VCAN: variants seen among roughly 807,000 people sequenced by gnomAD.
VCAN encodes the protein versican, also known as versican core protein.
VCAN carries 44 observed loss-of-function variants against 245.5 expected under a neutral mutation model. The observed-to-expected ratio is 0.18, with a 90% confidence interval of 0.14 to 0.23. The LOEUF (loss-of-function observed/expected upper bound fraction) is 0.23, where lower values mean the gene tolerates loss of function less well. Ranked by LOEUF, VCAN falls within the 10% of genes least tolerant of loss-of-function variation. The probability of loss-of-function intolerance (pLI) is 1.00; values close to 1 mark genes in which losing one functional copy is unlikely to be tolerated. For missense variants in VCAN, 3,793 were observed against 4,057.9 expected (o/e 0.93, Z 1.77); for synonymous variants, 1,413 against 1,437.0 (o/e 0.98, Z 0.38).
Position 83,521,545 on chromosome 5 carries a change from T to C in VCAN, c.3239T>C (p.Leu1080Ser). Reference sequence around the variant, plus strand: ...GCATATACAGTCTCTGAAGATGAATTGTTGACAGGTTCTGAGAGGGTCCCA... The same window carrying C: ...GCATATACAGTCTCTGAAGATGAATCGTTGACAGGTTCTGAGAGGGTCCCA... ...GSAYTVSEDE[L>S]LTGSERVPVL... Residue 1080 changes from leucine to serine, a missense_variant, in exon 7 of 15, where the codon TTG becomes TCG. Transcript: ENST00000265077. 1 of 1,614,020 alleles carries C rather than the reference T, an allele frequency of 6.2e-7. No individual in the cohort carries two copies. Among genetic ancestry groups the C allele is most frequent in the Non-Finnish European group, 8.5e-7 (1 of 1,180,012 alleles).
At chr5:83,571,820 G>A (rs1748301684) in intron 12 of VCAN, among the ~76,000 whole-genome samples, 1 of 152,152 alleles carries the variant, frequency 6.6e-6, no homozygotes, top group Non-Finnish European at 1.5e-5. Context: ...TTGAAAGGTT[G>A]TATATAAAAT....
chr5:83,538,573 A>C lies in VCAN; in HGVS notation c.5570A>C (p.Glu1857Ala). 1 of 1,614,030 alleles carries C rather than the reference A, an allele frequency of 6.2e-7. No homozygotes were observed. The highest frequency in any genetic ancestry group is 8.5e-7 in the Non-Finnish European group (1 of 1,179,946). Residue 1857 changes from glutamate (E) to alanine (A), a missense_variant, in exon 8 of 15, where the codon GAG (glutamate) becomes GCG (alanine). Glu to Ala is a moderately radical substitution (Grantham distance 107). Around this residue, in one of 5 missense-constraint regions of VCAN, gnomAD observed 3,182 missense variants for 3,250.3 expected, o/e 0.98. Transcript: ENST00000265077. ...GTTTCTTCATTTTCATTAAACGTAG[A>C]GTATGCAATTCAAGCCGAAAAGGAA... is the stretch of plus-strand genomic sequence containing the variant. ...TTVSSFSLNV[E>A]YAIQAEKEVA... is the part of the protein sequence containing the mutation.
chr5:83,551,131 G>C (rs1037663419), intron 10 of VCAN, among the ~76,000 whole-genome samples: 1 of 150,200 alleles, frequency 6.7e-6, no homozygotes, highest in Non-Finnish European at 1.5e-5. Flanking sequence ...GGCACTGTTA[G>C]TAGTGAAGTG....
At chr5:83,474,218 T>G (rs1368855351) in intron 1 of VCAN, among the ~76,000 whole-genome samples, 1 of 147,760 alleles carries the variant, frequency 6.8e-6, no homozygotes, top group Non-Finnish European at 1.5e-5. Context: ...AGGCGGGCAG[T>G]GGGAGGAAAA....
intron 7 of VCAN, among the ~76,000 whole-genome samples, chr5:83,524,460 G>A (rs1363350621): frequency 6.6e-6 from 1 of 152,004 alleles, no homozygotes; most frequent in African/African-American, 2.4e-5. Flanking sequence ...GTGTATATGT[G>A]TGTACAACAA....
intron 1 of VCAN, among the ~76,000 whole-genome samples, chr5:83,473,432 G>T (rs1744268770): frequency 6.6e-6 from 1 of 152,152 alleles, no homozygotes; most frequent in Non-Finnish European, 1.5e-5. Context: ...ACCCGCGGCA[G>T]AGTCTCTCTG....
chr5:83,559,637 A>T (rs1181001896), intron 12 of VCAN, among the ~76,000 whole-genome samples: 1 of 152,070 alleles, frequency 6.6e-6, no homozygotes, highest in African/African-American at 2.4e-5. Flanking sequence ...GGGAATGACT[A>T]AGAGCTCCTC....
rs1367752548 is a variant in VCAN at position 83,572,558 on chromosome 5, C to T, written c.9878C>T (p.Thr3293Ile). 1 of 1,613,766 alleles carries T rather than the reference C, an allele frequency of 6.2e-7. No homozygotes were observed. Among genetic ancestry groups the T allele is most frequent in the Admixed American group, 1.7e-5 (1 of 59,996 alleles). ...YHLTYTCKKGTVACGQPPVVE... is the reference protein window; with the variant it reads ...YHLTYTCKKGIVACGQPPVVE... ...CTCACCTATACGTGCAAGAAAGGAA[C>T]AGGTAATGATCACCCTGTTAATAAT... The change falls in exon 13 of 15, where the codon ACA becomes ATA. Residue 3293 changes from threonine to isoleucine, a missense_variant and splice_region_variant. Thr to Ile is a moderately conservative substitution (Grantham distance 89, BLOSUM62 -1). This residue lies in a region of VCAN where 205 missense variants were observed against 321.1 expected (regional missense o/e 0.64). Transcript: ENST00000265077.
chr5:83,526,472 T>G (rs1294724455), intron 7 of VCAN, among the ~76,000 whole-genome samples: 2 of 152,110 alleles, frequency 1.3e-5, no homozygotes, highest in South Asian at 2.1e-4. Context: ...GAGGGGGACA[T>G]CGAGAACCTC....
chr5:83,521,919 A>G lies in VCAN; in HGVS notation c.3613A>G (p.Ser1205Gly), dbSNP rs2066807480. 4 of 1,614,192 alleles carry G rather than the reference A, an allele frequency of 2.5e-6. No individual in the cohort carries two copies. The highest frequency in any genetic ancestry group is 3.4e-6 in the Non-Finnish European group (4 of 1,180,034). ...EFSTIKVTVP[S>G]DITTAFSSVD... ...TTCAACAATCAAAGTCACAGTTCCAAGTGATATTACCACTGCCTTCAGTTC... is the reference window on the plus strand; with the variant it reads ...TTCAACAATCAAAGTCACAGTTCCAGGTGATATTACCACTGCCTTCAGTTC... Residue 1205 changes from serine to glycine, a missense_variant, in exon 7 of 15, where the codon AGT becomes GGT. This residue lies in a region of VCAN where 3,182 missense variants were observed against 3,250.3 expected (regional missense o/e 0.98). Transcript: ENST00000265077.
chr5:83,545,685 T>C (rs1421582035), intron 9 of VCAN, 35 bp downstream of exon 9: 10 of 1,484,294 alleles, frequency 6.7e-6, no homozygotes, highest in Non-Finnish European at 9.4e-6. Context: ...GTGCAGTTCT[T>C]TCACAGAAGA....
At chr5:83,517,082 T>A (rs1421534849) in intron 6 of VCAN, among the ~76,000 whole-genome samples, 2 of 152,336 alleles carry the variant, frequency 1.3e-5, no homozygotes, top group East Asian at 3.9e-4. Flanking sequence ...ACTGGCTTTC[T>A]AGAACAGATT....
At chr5:83,525,608 A>G (rs1746264992) in intron 7 of VCAN, among the ~76,000 whole-genome samples, 1 of 152,140 alleles carries the variant, frequency 6.6e-6, no homozygotes, top group Admixed American at 6.5e-5. Flanking sequence ...TTAACAAACA[A>G]ATTCATATAT....
At position 83,522,316 on chromosome 5, in the gene VCAN, C is replaced by T; in HGVS notation, c.4003+7C>T. On this transcript the variant is annotated splice_region_variant and intron_variant, in intron 7 of 14. Transcript: ENST00000265077. ...GTCAGAGAAAATAAGACAGGTAAGT[C>T]TTTGCTTTCTAGACTAGCATTGAAG... 6.3e-7 allele frequency: 1 copy of T among 1,598,042 alleles called. No homozygotes were observed. The highest frequency in any genetic ancestry group is 1.7e-5 in the Admixed American group (1 of 59,964).
In VCAN at chr5:83,489,508, G is replaced by T. The variant is rs187493849; in HGVS notation, c.71-590G>T. ...CTGCAAAGTGATGGTAGCTGGATTT[G>T]TTATAATTATGAAAGCCTTTGGTTC... On this transcript the variant is annotated intron_variant, in intron 2 of 14. Transcript: ENST00000265077. 4.4e-3 allele frequency among the ~76,000 whole-genome samples: 670 copies of T among 152,284 alleles called. 5 individuals carry two copies. Among genetic ancestry groups the T allele is most frequent in the Middle Eastern group, 6.8e-3 (2 of 294 alleles).
chr5:83,539,214 G>C lies in VCAN; in HGVS notation c.6211G>C (p.Ala2071Pro). ...LPTAEVEGTK[A>P]PVEKEEVKVS... is the part of the protein sequence containing the mutation. Reference sequence around the variant, plus strand: ...AACAGCAGAAGTGGAAGGTACGAAAGCTCCAGTAGAGAAGGAGGAAGTAAA... The same window carrying C: ...AACAGCAGAAGTGGAAGGTACGAAACCTCCAGTAGAGAAGGAGGAAGTAAA... The change falls in exon 8 of 15, where the codon GCT (alanine) becomes CCT (proline). Residue 2071 changes from alanine (A) to proline (P), a missense_variant. Around this residue, in one of 5 missense-constraint regions of VCAN, gnomAD observed 3,182 missense variants for 3,250.3 expected, o/e 0.98. Transcript: ENST00000265077. The C allele has an allele frequency of 6.2e-7, 1 of 1,614,032 alleles. No individual in the cohort carries two copies. Among genetic ancestry groups the C allele is most frequent in the Non-Finnish European group, 8.5e-7 (1 of 1,179,992 alleles).
At chr5:83,573,102 G>C (rs1748350939) in intron 13 of VCAN, among the ~76,000 whole-genome samples, 1 of 151,812 alleles carries the variant, frequency 6.6e-6, no homozygotes, top group South Asian at 2.1e-4. Flanking sequence ...GTTTCACCGT[G>C]TTAGCCAGGA....
intron 5 of VCAN, among the ~76,000 whole-genome samples, chr5:83,499,879 C>T (rs564804077): frequency 6.6e-6 from 1 of 152,148 alleles, no homozygotes; most frequent in African/African-American, 2.4e-5. Context: ...CCAAAAACAA[C>T]TTTTCCATTT....
chr5:83,573,464 C>G (rs1432649861), intron 13 of VCAN, among the ~76,000 whole-genome samples: 2 of 151,766 alleles, frequency 1.3e-5, no homozygotes, highest in Non-Finnish European at 2.9e-5. Flanking sequence ...TGTCCCAATC[C>G]TGAAAGACAC....
Sources: gnomAD v4.1 joint callset for allele counts (sites outside exome capture counted in the v4.1 genomes callset) on GRCh38, gnomAD v4.1.1 for gene constraint, gnomAD v4.1.1 regional missense constraint, MANE v1.5 for transcripts, NCBI Gene and HGNC (gene_info 2026-07-23, HGNC 2026-07-21) for gene names.